HS6ST3: variants seen among roughly 807,000 people sequenced by gnomAD.
HS6ST3 encodes heparan sulfate 6-O-sulfotransferase 3, also known as heparan-sulfate 6-O-sulfotransferase 3.
Under a neutral mutation model 36.7 loss-of-function variants are expected in HS6ST3, and 12 were observed. That is an observed-to-expected ratio of 0.33 (90% CI 0.21 to 0.53). HS6ST3 has a LOEUF of 0.53. Ranked by LOEUF, HS6ST3 falls within the 20% of genes least tolerant of loss-of-function variation. HS6ST3 has a pLI of 0.95. For missense variants in HS6ST3, 584 were observed against 640.9 expected (o/e 0.91, Z 0.96); for synonymous variants, 240 against 257.5 (o/e 0.93, Z 0.65).
At position 96,090,519 on chromosome 13, in the gene HS6ST3, C is replaced by G. The variant is rs2053755461; in HGVS notation, c.-344C>G. On this transcript the variant is annotated 5_prime_UTR_variant, in exon 1 of 2. Coordinates refer to ENST00000376705, the MANE Select transcript of HS6ST3 (RefSeq NM_153456.4). ...ACCCCGCTCCCCAGCGCCTGAGCGC[C>G]TGCAAGCCGCCGGCGGGATGCCGCG... 6.8e-6 allele frequency among the ~76,000 whole-genome samples: 1 copy of G among 146,510 alleles called. No homozygotes were observed. Among genetic ancestry groups the G allele is most frequent in the Admixed American group, 6.8e-5 (1 of 14,760 alleles).
At chr13:96,508,088 A>G (rs2056033891) in intron 1 of HS6ST3, among the ~76,000 whole-genome samples, 2 of 152,048 alleles carry the variant, frequency 1.3e-5, no homozygotes, top group Admixed American at 6.6e-5. Context: ...AAATTAGCAC[A>G]TTTGTACCCT....
intron 1 of HS6ST3, among the ~76,000 whole-genome samples, chr13:96,140,241 A>C (rs773013166): frequency 1.3e-5 from 2 of 152,198 alleles, no homozygotes; most frequent in Non-Finnish European, 2.9e-5. Flanking sequence ...ATTAAATCAT[A>C]ACTGCATGAA....
chr13:96,454,233 C>G (rs527990976), intron 1 of HS6ST3, among the ~76,000 whole-genome samples: 1 of 152,084 alleles, frequency 6.6e-6, no homozygotes, highest in African/African-American at 2.4e-5. Flanking sequence ...CTGAATGTGC[C>G]TTAGTTCTGG....
At chr13:96,647,477 T>G (rs1278006835) in intron 1 of HS6ST3, among the ~76,000 whole-genome samples, 1 of 151,992 alleles carries the variant, frequency 6.6e-6, no homozygotes, top group Non-Finnish European at 1.5e-5. Context: ...ATTAGTCAGT[T>G]TGACAGTCTG....
chr13:96,511,250 A>T (rs1769751588), intron 1 of HS6ST3, among the ~76,000 whole-genome samples: 4 of 151,954 alleles, frequency 2.6e-5, no homozygotes, highest in African/African-American at 4.8e-5. Flanking sequence ...CTGAGTGAAA[A>T]TTTTTTTTAG....
At chr13:96,277,643 C>T (rs1473259551) in intron 1 of HS6ST3, among the ~76,000 whole-genome samples, 3 of 152,046 alleles carry the variant, frequency 2.0e-5, no homozygotes, top group Admixed American at 2.0e-4. Context: ...TATATATCAA[C>T]ATGAAAATGT....
intron 1 of HS6ST3, among the ~76,000 whole-genome samples, chr13:96,464,719 A>G (rs2055803488): frequency 6.6e-6 from 1 of 152,180 alleles, no homozygotes. Context: ...CGGTAATATA[A>G]GATGACAGGA....
At chr13:96,264,356 T>C (rs1216281173) in intron 1 of HS6ST3, among the ~76,000 whole-genome samples, 3 of 152,092 alleles carry the variant, frequency 2.0e-5, no homozygotes, top group Non-Finnish European at 4.4e-5. Context: ...TTAACTAGCT[T>C]TCACTGAAAG....
At chr13:96,551,458 G>A (rs1479170557) in intron 1 of HS6ST3, among the ~76,000 whole-genome samples, 2 of 152,164 alleles carry the variant, frequency 1.3e-5, no homozygotes, top group Non-Finnish European at 2.9e-5. Flanking sequence ...GTCATTGGCA[G>A]ACGTTGTATT....
At chr13:96,785,606 G>T (rs1280957421) in intron 1 of HS6ST3, among the ~76,000 whole-genome samples, 1 of 152,084 alleles carries the variant, frequency 6.6e-6, no homozygotes, top group African/African-American at 2.4e-5. Context: ...AGTACCTGCC[G>T]AGATTCTCCT....
Position 96,810,670 on chromosome 13 carries a change from T to C in HS6ST3, c.708-21820T>C, listed in dbSNP as rs540864999. Among the ~76,000 whole-genome samples, 11 of 152,326 alleles carry C rather than the reference T, an allele frequency of 7.2e-5. No individual in the cohort carries two copies. The South Asian group carries it at 1.5e-3, about 20-fold the overall frequency. ...GTCTAATGAACGAGTCTTAGGATGA[T>C]GTTAAAAATGGATTTCTAGTTAAGT... is the stretch of plus-strand genomic sequence containing the variant. On this transcript the variant is annotated intron_variant, in intron 1 of 1. Coordinates refer to ENST00000376705, the MANE Select transcript of HS6ST3 (RefSeq NM_153456.4).
intron 1 of HS6ST3, among the ~76,000 whole-genome samples, chr13:96,708,570 C>A (rs1275130914): frequency 6.6e-6 from 1 of 152,214 alleles, no homozygotes; most frequent in Non-Finnish European, 1.5e-5. Flanking sequence ...CATAGAGCCT[C>A]TGTCCTCTCC....
chr13:96,539,953 T>G (rs2056171486), intron 1 of HS6ST3, among the ~76,000 whole-genome samples: 2 of 152,220 alleles, frequency 1.3e-5, no homozygotes, highest in Non-Finnish European at 2.9e-5. Flanking sequence ...CATGTGAGAA[T>G]CTACCTTATT....
intron 1 of HS6ST3, among the ~76,000 whole-genome samples, chr13:96,361,328 A>T (rs2055237565): frequency 6.6e-6 from 1 of 151,780 alleles, no homozygotes; most frequent in Non-Finnish European, 1.5e-5. Flanking sequence ...TATATAAAAA[A>T]CCCTTTTGGC....
chr13:96,423,005 A>G (rs1201371822), intron 1 of HS6ST3, among the ~76,000 whole-genome samples: 2 of 152,208 alleles, frequency 1.3e-5, no homozygotes, highest in Admixed American at 1.3e-4. Context: ...TGAAATAAAT[A>G]TATAATTGAA....
intron 1 of HS6ST3, among the ~76,000 whole-genome samples, chr13:96,715,927 C>T (rs939757420): frequency 3.3e-5 from 5 of 151,870 alleles, no homozygotes; most frequent in Non-Finnish European, 7.4e-5. Flanking sequence ...ATCTCTGAGA[C>T]TTTTTCTTTT....
chr13:96,719,997 C>A (rs1008608315), intron 1 of HS6ST3, among the ~76,000 whole-genome samples: 1 of 152,138 alleles, frequency 6.6e-6, no homozygotes, highest in Non-Finnish European at 1.5e-5. Context: ...AAGGGGCTAA[C>A]AAATTGCAGG....
chr13:96,578,036 C>T (rs1431056846), intron 1 of HS6ST3, among the ~76,000 whole-genome samples: 1 of 152,100 alleles, frequency 6.6e-6, no homozygotes, highest in Non-Finnish European at 1.5e-5. Context: ...AAATTCAGTG[C>T]CCAAGAATCG....
At chr13:96,149,884 A>G (rs1222188810) in intron 1 of HS6ST3, among the ~76,000 whole-genome samples, 1 of 152,230 alleles carries the variant, frequency 6.6e-6, no homozygotes, top group Non-Finnish European at 1.5e-5. Flanking sequence ...AATTAATTCT[A>G]TAGAGAATAA....
Sources: gnomAD v4.1 joint callset for allele counts (sites outside exome capture counted in the v4.1 genomes callset) on GRCh38, gnomAD v4.1.1 for gene constraint, MANE v1.5 for transcripts, NCBI Gene and HGNC (gene_info 2026-07-23, HGNC 2026-07-21) for gene names.